The following DAPK1 variants were observed in gnomAD, a reference collection of about 807,000 sequenced individuals.
DAPK1 encodes the protein death associated protein kinase 1.
Under a neutral mutation model 144.9 loss-of-function variants are expected in DAPK1, and 56 were observed. The observed-to-expected ratio is 0.39, with a 90% CI of 0.31 to 0.48. The LOEUF (loss-of-function observed/expected upper bound fraction) is 0.48. DAPK1 is among the 20% of genes least tolerant of loss of function. DAPK1 has a pLI of 0.95. For missense variants in DAPK1, 1,454 were observed against 1,875.4 expected (o/e 0.78, Z 4.15); for synonymous variants, 690 against 749.0 (o/e 0.92, Z 1.29).
chr9:87,504,155 T>A (rs191248807), intron 2 of DAPK1, among the ~76,000 whole-genome samples: 1 of 152,326 alleles, frequency 6.6e-6, no homozygotes, highest in East Asian at 1.9e-4. Flanking sequence ...AGGACTGTGC[T>A]GAATGTGACA....
chr9:87,575,156 G>T (rs1827493366), intron 2 of DAPK1, among the ~76,000 whole-genome samples: 1 of 150,310 alleles, frequency 6.7e-6, no homozygotes, highest in African/African-American at 2.4e-5. Context: ...AGAGGTGGAG[G>T]TTGCAGTGAG....
In DAPK1 at chr9:87,645,910, T is replaced by G. The variant is rs748923429; in HGVS notation, c.1027T>G (p.Phe343Val). Reference protein sequence around the residue: ...SDDTLDEEDSFVMKAIIHAIN... With the variant: ...SDDTLDEEDSVVMKAIIHAIN... ...CTCTCTCAAGGATGAGGAAGACTCC[T>G]TTGTGATGAAAGCCATCATCCATGC... is the stretch of plus-strand genomic sequence containing the variant. Residue 343 changes from phenylalanine (F) to valine (V), a missense_variant, in exon 12 of 26, where the codon TTT becomes GTT. Phe to Val is a conservative substitution (Grantham distance 50). Coordinates refer to ENST00000408954, the MANE Select transcript of DAPK1 (RefSeq NM_004938.4). 30 of 1,614,018 alleles carry G rather than the reference T, an allele frequency of 1.9e-5. No homozygotes were observed. The highest frequency in any genetic ancestry group is 2.5e-5 in the Non-Finnish European group (30 of 1,179,988).
intron 17 of DAPK1, chr9:87,657,796 CTTAAG>C: frequency 1.9e-6 from 1 of 531,690 alleles, no homozygotes; most frequent in Non-Finnish European, 3.4e-6. Context: ...AGGAAACTTA[CTTAAG>C]TTATCTTTGA....
intron 18 of DAPK1, among the ~76,000 whole-genome samples, chr9:87,658,492 G>A (rs1222809009): frequency 1.3e-5 from 2 of 152,188 alleles, no homozygotes; most frequent in East Asian, 1.9e-4. Flanking sequence ...TTTAGAAGGA[G>A]CTGGGGGAGG....
chr9:87,548,624 A>G (rs1227254619), intron 2 of DAPK1, among the ~76,000 whole-genome samples: 1 of 152,236 alleles, frequency 6.6e-6, no homozygotes, highest in Non-Finnish European at 1.5e-5. Context: ...CAAAGAGGAA[A>G]GCATGGCACT....
chr9:87,641,472 T>A (rs1830090222), intron 9 of DAPK1, among the ~76,000 whole-genome samples: 1 of 152,088 alleles, frequency 6.6e-6, no homozygotes, highest in Admixed American at 6.5e-5. Flanking sequence ...CTGTGCAAGT[T>A]CCCAGCAGTT....
intron 17 of DAPK1, among the ~76,000 whole-genome samples, chr9:87,656,844 G>T (rs529720762): frequency 1.3e-5 from 2 of 152,214 alleles, no homozygotes; most frequent in Non-Finnish European, 2.9e-5. Flanking sequence ...TTTCTCTCCT[G>T]TTGAGGATTC....
chr9:87,684,081 C>T (rs1172074250), intron 20 of DAPK1, among the ~76,000 whole-genome samples: 1 of 152,224 alleles, frequency 6.6e-6, no homozygotes, highest in Non-Finnish European at 1.5e-5. Flanking sequence ...GCACTTGCTG[C>T]CCTCACAGCT....
At chr9:87,516,359 GT>G (rs1248537294) in intron 2 of DAPK1, among the ~76,000 whole-genome samples, 5 of 152,254 alleles carry the variant, frequency 3.3e-5, no homozygotes, top group Admixed American at 2.0e-4. Context: ...TCTCCCTGGG[GT>G]TAAGTCCAGC....
At chr9:87,517,807 C>T (rs1825119849) in intron 2 of DAPK1, among the ~76,000 whole-genome samples, 1 of 152,166 alleles carries the variant, frequency 6.6e-6, no homozygotes, top group Non-Finnish European at 1.5e-5. Context: ...TCCTTTCCAT[C>T]CCATTGATGA....
intron 22 of DAPK1, among the ~76,000 whole-genome samples, chr9:87,697,858 G>C (rs930492110): frequency 3.3e-5 from 5 of 152,220 alleles, no homozygotes; most frequent in African/African-American, 1.2e-4. Flanking sequence ...AGGGGCTGAG[G>C]CAGGAGGATT....
intron 2 of DAPK1, among the ~76,000 whole-genome samples, chr9:87,598,228 C>A (rs36206855): frequency 1.3e-5 from 2 of 152,086 alleles, no homozygotes; most frequent in African/African-American, 4.8e-5. Context: ...CCACTAAAAC[C>A]GAGCCAGGGA....
chr9:87,557,944 AC>A (rs1187726630), intron 2 of DAPK1, among the ~76,000 whole-genome samples: 6 of 142,896 alleles, frequency 4.2e-5, no homozygotes, highest in Admixed American at 1.3e-4. Context: ...CCGTCTGAAG[AC>A]AAACAAACAA....
chr9:87,659,153 G>A (rs2119221517), intron 18 of DAPK1, among the ~76,000 whole-genome samples: 1 of 152,326 alleles, frequency 6.6e-6, no homozygotes, highest in African/African-American at 2.4e-5. Context: ...GGGCTAGGAT[G>A]TCGCCTCCCC....
At chr9:87,618,201 G>T (rs773737347) in intron 3 of DAPK1, among the ~76,000 whole-genome samples, 5 of 152,210 alleles carry the variant, frequency 3.3e-5, no homozygotes, top group Non-Finnish European at 7.3e-5. Context: ...TTATTAGTCA[G>T]TAGGATCTAT....
Position 87,700,108 on chromosome 9 carries a change from T to G in DAPK1, c.2751-9T>G. The G allele has an allele frequency of 6.2e-7, 1 of 1,611,296 alleles. No homozygotes were observed. On this transcript the variant is annotated splice_polypyrimidine_tract_variant and intron_variant, in intron 23 of 25. Coordinates refer to ENST00000408954, the MANE Select transcript of DAPK1 (RefSeq NM_004938.4). ...CTCACTGCTGAGGAGGCTGCTGCTCTTCCCTTAGGTTTGGAAATGATCTTC... is the reference window on the plus strand; with the variant it reads ...CTCACTGCTGAGGAGGCTGCTGCTCGTCCCTTAGGTTTGGAAATGATCTTC...
At chr9:87,562,925 T>G (rs891005899) in intron 2 of DAPK1, among the ~76,000 whole-genome samples, 1 of 152,240 alleles carries the variant, frequency 6.6e-6, no homozygotes, top group African/African-American at 2.4e-5. Flanking sequence ...CTCAGCTTTT[T>G]TATAGAACCT....
intron 18 of DAPK1, among the ~76,000 whole-genome samples, chr9:87,661,458 C>A (rs1050417664): frequency 1.3e-5 from 2 of 152,066 alleles, no homozygotes; most frequent in African/African-American, 4.8e-5. Flanking sequence ...ATAAAAGTTC[C>A]CCTTTCTCTG....
At chr9:87,556,987 A>G (rs761162894) in intron 2 of DAPK1, among the ~76,000 whole-genome samples, 1 of 152,166 alleles carries the variant, frequency 6.6e-6, no homozygotes, top group Non-Finnish European at 1.5e-5. Context: ...GGAGGTGGGC[A>G]GTTGACCTTC....
Sources: allele counts gnomAD v4.1 joint callset (sites outside exome capture counted in the v4.1 genomes callset), GRCh38; gene constraint gnomAD v4.1.1; transcripts MANE v1.5; gene names NCBI Gene and HGNC (gene_info 2026-07-23, HGNC 2026-07-21).